Variants in MAGI2 observed in about 807,000 individuals in gnomAD.
MAGI2 encodes the protein membrane associated guanylate kinase, WW and PDZ domain containing 2, also known as membrane-associated guanylate kinase, WW and PDZ domain-containing protein 2.
A neutral mutation model predicts 133.3 loss-of-function variants in MAGI2; 35 were observed. The observed-to-expected ratio is 0.26, with a 90% CI of 0.20 to 0.35. The LOEUF is 0.35. Ranked by LOEUF, MAGI2 falls within the 10% of genes least tolerant of loss-of-function variation. MAGI2 has a pLI of 1.00. For missense variants in MAGI2, 1,636 were observed against 1,863.4 expected (o/e 0.88, Z 2.25); for synonymous variants, 729 against 710.6 (o/e 1.03, Z -0.41).
chr7:78,767,106 C>T (rs551428752), intron 2 of MAGI2, among the ~76,000 whole-genome samples: 2 of 152,058 alleles, frequency 1.3e-5, no homozygotes, highest in African/African-American at 2.4e-5. Context: ...TCTCCTGCCT[C>T]GGCCTCCCGA....
intron 21 of MAGI2, among the ~76,000 whole-genome samples, chr7:78,063,587 C>T (rs1340140182): frequency 6.6e-6 from 1 of 152,136 alleles, no homozygotes; most frequent in Non-Finnish European, 1.5e-5. Flanking sequence ...TGGCTATCCC[C>T]CTTTGCCATT....
chr7:78,448,293 G>C (rs1788361863), intron 6 of MAGI2, among the ~76,000 whole-genome samples: 1 of 152,006 alleles, frequency 6.6e-6, no homozygotes, highest in African/African-American at 2.4e-5. Flanking sequence ...TATATACCCA[G>C]TAGTCGAATT....
At chr7:78,213,866 C>A (rs1479204315) in intron 10 of MAGI2, among the ~76,000 whole-genome samples, 1 of 152,226 alleles carries the variant, frequency 6.6e-6, no homozygotes, top group Non-Finnish European at 1.5e-5. Flanking sequence ...GGTTTTCCTT[C>A]TAACACTTCT....
chr7:78,997,920 C>T (rs917902058), intron 2 of MAGI2, among the ~76,000 whole-genome samples: 6 of 152,126 alleles, frequency 3.9e-5, no homozygotes, highest in African/African-American at 1.2e-4. Flanking sequence ...TATAACAATA[C>T]ACCTCATGCT....
At chr7:79,444,574 G>A (rs531458871) in intron 1 of MAGI2, among the ~76,000 whole-genome samples, 2 of 152,010 alleles carry the variant, frequency 1.3e-5, no homozygotes, top group African/African-American at 4.8e-5. Context: ...TTGCTTCAAA[G>A]AGAATAAAAT....
At chr7:78,274,944 G>C (rs1427988543) in intron 9 of MAGI2, among the ~76,000 whole-genome samples, 1 of 152,122 alleles carries the variant, frequency 6.6e-6, no homozygotes, top group Non-Finnish European at 1.5e-5. Context: ...TCCTTTCCAG[G>C]GGAGTGAATG....
At chr7:79,174,505 T>C (rs1825913959) in intron 1 of MAGI2, among the ~76,000 whole-genome samples, 1 of 151,808 alleles carries the variant, frequency 6.6e-6, no homozygotes, top group African/African-American at 2.4e-5. Flanking sequence ...CAAAATACCT[T>C]TAATGTATTA....
At chr7:78,704,415 A>C (rs188978938) in intron 2 of MAGI2, among the ~76,000 whole-genome samples, 2 of 152,288 alleles carry the variant, frequency 1.3e-5, no homozygotes, top group African/African-American at 4.8e-5. Context: ...CAGTAAAAAA[A>C]TAACACGCTA....
intron 2 of MAGI2, among the ~76,000 whole-genome samples, chr7:78,666,871 T>C (rs1031119826): frequency 4.6e-5 from 7 of 152,160 alleles, no homozygotes; most frequent in Non-Finnish European, 8.8e-5. Context: ...TCTTAGTCTA[T>C]TGCTCTTTCT....
chr7:78,094,565 C>G (rs1817531370), intron 20 of MAGI2, among the ~76,000 whole-genome samples: 1 of 152,148 alleles, frequency 6.6e-6, no homozygotes, highest in African/African-American at 2.4e-5. Flanking sequence ...AAATTCATCA[C>G]CATTTCTACA....
intron 2 of MAGI2, among the ~76,000 whole-genome samples, chr7:78,971,328 G>C (rs567530808): frequency 6.6e-6 from 1 of 151,806 alleles, no homozygotes; most frequent in African/African-American, 2.4e-5. Flanking sequence ...AAGCAATTGG[G>C]AATAAAAATA....
intron 9 of MAGI2, among the ~76,000 whole-genome samples, chr7:78,310,310 C>T (rs916176424): frequency 3.3e-5 from 5 of 152,130 alleles, no homozygotes; most frequent in Admixed American, 1.3e-4. Flanking sequence ...TGGCACGCAC[C>T]TGTAGTCCCA....
intron 1 of MAGI2, among the ~76,000 whole-genome samples, chr7:79,105,134 C>T (rs1265177705): frequency 6.6e-6 from 1 of 152,200 alleles, no homozygotes; most frequent in African/African-American, 2.4e-5. Flanking sequence ...AGTGCATCAG[C>T]CTTTGCTGCA....
intron 11 of MAGI2, among the ~76,000 whole-genome samples, chr7:78,200,550 C>G (rs1829146383): frequency 6.6e-6 from 1 of 151,994 alleles, no homozygotes. Context: ...GTATACAGAG[C>G]TTAAATATAC....
At chr7:79,322,188 C>T in intron 1 of MAGI2, among the ~76,000 whole-genome samples, 1 of 152,086 alleles carries the variant, frequency 6.6e-6, no homozygotes, top group Non-Finnish European at 1.5e-5. Context: ...TTTGAGATCA[C>T]TCAGTCCATA....
chr7:78,953,808 G>A (rs1802065065), intron 2 of MAGI2, among the ~76,000 whole-genome samples: 2 of 152,032 alleles, frequency 1.3e-5, no homozygotes, highest in South Asian at 4.1e-4. Context: ...ATACAAAGAT[G>A]ATGTTCTAAG....
chr7:79,289,256 G>T lies in MAGI2; in HGVS notation c.301+163764C>A, dbSNP rs1037581147. On this transcript the variant is annotated intron_variant, in intron 1 of 21. Coordinates refer to ENST00000354212, the MANE Select transcript of MAGI2 (RefSeq NM_012301.4). ...TCAGCTTCTCATTAAGCTCTGCTTT[G>T]TTCTTGATCTCATGCTCTCATAACT... 4.6e-5 allele frequency among the ~76,000 whole-genome samples: 7 copies of T among 152,050 alleles called. No individual in the cohort carries two copies. The South Asian group carries it at 6.2e-4, about 13-fold the overall frequency.
At chr7:78,239,648 AT>A (rs1790923998) in intron 10 of MAGI2, among the ~76,000 whole-genome samples, 1 of 152,246 alleles carries the variant, frequency 6.6e-6, no homozygotes, top group Non-Finnish European at 1.5e-5. Context: ...CAACAAGTAT[AT>A]GGAAATTGCT....
At chr7:79,361,369 A>G (rs1349289536) in intron 1 of MAGI2, among the ~76,000 whole-genome samples, 3 of 151,858 alleles carry the variant, frequency 2.0e-5, no homozygotes, top group African/African-American at 7.3e-5. Flanking sequence ...TTTAAATGAT[A>G]TGCAAGGAGG....
Sources: allele counts gnomAD v4.1 joint callset (sites outside exome capture counted in the v4.1 genomes callset), GRCh38; gene constraint gnomAD v4.1.1; transcripts MANE v1.5; gene names NCBI Gene and HGNC (gene_info 2026-07-23, HGNC 2026-07-21).